CNGA3: variants seen among roughly 807,000 people sequenced by gnomAD.
CNGA3 encodes the protein cyclic nucleotide-gated channel alpha-3.
CNGA3 carries 42 observed loss-of-function variants against 46.6 expected under a neutral mutation model. The ratio of observed to expected loss-of-function variants is 0.90; its 90% confidence interval spans 0.70 to 1.17. CNGA3 has a LOEUF of 1.17. CNGA3 is among the 50% of genes most tolerant of loss of function. The pLI, the probability that CNGA3 is intolerant of heterozygous loss-of-function variation, is 0.00. For synonymous variants in CNGA3, 394 were observed against 369.4 expected (o/e 1.07, Z -0.76); for missense variants, 893 against 890.7 (o/e 1.00, Z -0.03).
chr2:98,346,464 G>T lies in CNGA3; in HGVS notation c.-108G>T, dbSNP rs926456727. On this transcript the variant is annotated 5_prime_UTR_variant, in exon 1 of 8. Coordinates refer to ENST00000272602, the MANE Select transcript of CNGA3 (RefSeq NM_001298.3). The stretch of plus-strand genomic sequence containing the variant: ...CGGGGGAGGGAGCGAGCGGAACTGC[G>T]CCTAGGAGGCCGAGGGAGGAGGCGC... The T allele has an allele frequency of 2.5e-6, 1 of 398,694 alleles. No individual in the cohort carries two copies. Among genetic ancestry groups the T allele is most frequent in the Admixed American group, 4.4e-5 (1 of 22,734 alleles). The allele number at this position is 398,694 out of a possible 1,614,324, so 24.7% of individuals were successfully genotyped here.
intron 1 of CNGA3, among the ~76,000 whole-genome samples, chr2:98,354,671 G>T (rs1691840211): frequency 1.3e-5 from 2 of 152,182 alleles, no homozygotes; most frequent in Admixed American, 6.5e-5. Context: ...TGTGGTCCCA[G>T]CTACTTAGGA....
intron 3 of CNGA3, among the ~76,000 whole-genome samples, chr2:98,378,956 A>G (rs1253419399): frequency 6.6e-6 from 1 of 152,228 alleles, no homozygotes; most frequent in Admixed American, 6.5e-5. Context: ...AGCCTTTGCC[A>G]TGTGACCATG....
chr2:98,379,117 G>A (rs1162818517), intron 3 of CNGA3, among the ~76,000 whole-genome samples: 1 of 152,238 alleles, frequency 6.6e-6, no homozygotes, highest in African/African-American at 2.4e-5. Context: ...GGAAGTGTGT[G>A]GTTACAGGAA....
intron 3 of CNGA3, chr2:98,378,219 G>T: frequency 6.5e-7 from 1 of 1,545,110 alleles, no homozygotes; most frequent in Admixed American, 2.0e-5. Flanking sequence ...GGACCCCAGG[G>T]CAGGTAGGTG....
intron 2 of CNGA3, among the ~76,000 whole-genome samples, chr2:98,376,023 T>G (rs1168943511): frequency 6.6e-6 from 1 of 152,054 alleles, no homozygotes; most frequent in East Asian, 1.9e-4. Flanking sequence ...AGTAGGATGG[T>G]GTTGGGAGGA....
chr2:98,375,143 T>C (rs1692375223), intron 2 of CNGA3, among the ~76,000 whole-genome samples: 3 of 152,244 alleles, frequency 2.0e-5, no homozygotes, highest in African/African-American at 7.2e-5. Context: ...AGGCCTGCTT[T>C]GCAATCCTGG....
chr2:98,350,301 C>G (rs1305138829), intron 1 of CNGA3, among the ~76,000 whole-genome samples: 1 of 152,182 alleles, frequency 6.6e-6, no homozygotes, highest in Non-Finnish European at 1.5e-5. Flanking sequence ...ATCCTCAGCT[C>G]AGTGCCTGAC....
intron 6 of CNGA3, among the ~76,000 whole-genome samples, 190 bp downstream of exon 6, chr2:98,389,964 A>G (rs1692745426): frequency 6.6e-6 from 1 of 152,100 alleles, no homozygotes; most frequent in South Asian, 2.1e-4. Flanking sequence ...AGTGCTCTGA[A>G]GCATGGGTGG....
At chr2:98,370,576 G>A (rs535824969) in intron 2 of CNGA3, among the ~76,000 whole-genome samples, 3 of 152,294 alleles carry the variant, frequency 2.0e-5, no homozygotes, top group Non-Finnish European at 4.4e-5. Context: ...AGTGCCCCTT[G>A]TCAGCCAAGC....
rs1558818443 is a variant in CNGA3 at position 98,392,599 on chromosome 2, A to AAAAGAAAAG, written c.673+632_673+633insGAAAAGAAA. ...AAAAAGAAAAGAAAAGAAAAGAAAA[A>AAAAGAAAAG]AAAAGAAAAGAAGTAAGCAGGCCGG... On this transcript the variant is annotated intron_variant, in intron 7 of 7. Coordinates refer to ENST00000272602, the MANE Select transcript of CNGA3 (RefSeq NM_001298.3). Among the ~76,000 whole-genome samples the AAAAGAAAAG allele has an allele frequency of 4.8e-3, 729 of 151,434 alleles. 11 individuals are homozygous for AAAAGAAAAG. Among genetic ancestry groups the AAAAGAAAAG allele is most frequent in the African/African-American group, 0.017 (702 of 40,884 alleles).
At chr2:98,390,971 A>G (rs1393133515) in intron 6 of CNGA3, among the ~76,000 whole-genome samples, 4 of 152,138 alleles carry the variant, frequency 2.6e-5, no homozygotes, top group African/African-American at 9.7e-5. Flanking sequence ...CAAAATGAGG[A>G]TGCAGAGGCA....
chr2:98,350,379 T>C (rs139798916), intron 1 of CNGA3, among the ~76,000 whole-genome samples: 78 of 152,374 alleles, frequency 5.1e-4, no homozygotes, highest in Admixed American at 2.4e-3. Context: ...AGCAATGTGT[T>C]ACTTTTATAA....
chr2:98,372,427 C>CA (rs560257684), intron 2 of CNGA3, among the ~76,000 whole-genome samples: 5 of 152,200 alleles, frequency 3.3e-5, no homozygotes, highest in Admixed American at 2.0e-4. Flanking sequence ...GCCACATGGT[C>CA]AGGGGCTCTG....
At chr2:98,361,118 C>A (rs1449963651) in intron 1 of CNGA3, among the ~76,000 whole-genome samples, 1 of 151,900 alleles carries the variant, frequency 6.6e-6, no homozygotes, top group Admixed American at 6.6e-5. Flanking sequence ...CTGCATCTAT[C>A]AACCCATCTC....
In CNGA3 at chr2:98,396,804, G is replaced by C; in HGVS notation, c.1634G>C (p.Ser545Thr). ...VTQFVVLSDG[S>T]YFGEISILNI... is the part of the protein sequence containing the mutation. ...CAGTTCGTGGTCCTCAGCGATGGCA[G>C]CTACTTCGGGGAGATCAGCATTCTG... The change falls in exon 8 of 8, where the codon AGC (serine) becomes ACC (threonine). Residue 545 changes from serine to threonine, a missense_variant. Transcript: ENST00000272602. The C allele has an allele frequency of 6.2e-7, 1 of 1,614,216 alleles. No individual in the cohort carries two copies. The highest frequency in any genetic ancestry group is 8.5e-7 in the Non-Finnish European group (1 of 1,180,042).
rs563092059 is a variant in CNGA3, at chr2:98,352,718, G to A, written c.-38+6184G>A. Among the ~76,000 whole-genome samples, 123 of 152,214 alleles carry A rather than the reference G, an allele frequency of 8.1e-4. 1 individual carries two copies. The highest frequency in any genetic ancestry group is 1.1e-3 in the Non-Finnish European group (78 of 68,018). On this transcript the variant is annotated intron_variant, in intron 1 of 7. Transcript: ENST00000272602. ...CCACTATTCAATCCATTGCGAGCCC[G>A]GGTAGGATAAAATGTAGAAGAAAGG... is the stretch of plus-strand genomic sequence containing the variant.
chr2:98,371,393 A>G (rs1057156994), intron 2 of CNGA3, among the ~76,000 whole-genome samples: 6 of 151,886 alleles, frequency 4.0e-5, no homozygotes, highest in African/African-American at 1.5e-4. Flanking sequence ...CTCTGTCTAC[A>G]CTCTTGGTCC....
At chr2:98,360,269 G>T (rs12467200) in intron 1 of CNGA3, among the ~76,000 whole-genome samples, 34,089 of 152,164 alleles carry the variant, frequency 0.22, 4,331 homozygotes, top group Admixed American at 0.36. Flanking sequence ...GCACCTAGTG[G>T]CCCTCAACAG....
chr2:98,364,897 T>C (rs1339486459), intron 1 of CNGA3, among the ~76,000 whole-genome samples: 3 of 152,220 alleles, frequency 2.0e-5, no homozygotes, highest in Non-Finnish European at 4.4e-5. Flanking sequence ...TAGGAAATTC[T>C]GGGTTGCAAA....
Sources: gnomAD v4.1 joint callset for allele counts (sites outside exome capture counted in the v4.1 genomes callset) on GRCh38, gnomAD v4.1.1 for gene constraint, MANE v1.5 for transcripts, NCBI Gene and HGNC (gene_info 2026-07-23, HGNC 2026-07-21) for gene names.